The following DPYD variants were observed in gnomAD, a reference collection of about 807,000 sequenced individuals.
DPYD encodes the protein dihydropyrimidine dehydrogenase, also known as dihydropyrimidine dehydrogenase [NADP(+)].
A neutral mutation model predicts 116.2 loss-of-function variants in DPYD; 109 were observed. The observed-to-expected ratio is 0.94, with a 90% CI of 0.80 to 1.10. The LOEUF (loss-of-function observed/expected upper bound fraction) is 1.10. DPYD is among the 50% of genes least tolerant of loss of function. The pLI is 0.00. For missense variants in DPYD, 1,302 were observed against 1,254.5 expected (o/e 1.04, Z -0.57); for synonymous variants, 440 against 432.0 (o/e 1.02, Z -0.23).
At position 97,691,428 on chromosome 1, in the gene DPYD, T is replaced by C. The variant is rs56361274; in HGVS notation, c.762+289A>G. The C allele has an allele frequency of 2.1e-4, 60 of 283,140 alleles. No individual in the cohort carries two copies. In the East Asian group the frequency reaches 4.2e-3, roughly 20 times the overall value. 17.5% of individuals were successfully genotyped at this position (283,140 alleles called of 1,614,324 possible). ...CATGATTAAAGAAACCAAATCCTTC[T>C]ATTAGCTGCACTGAACCCCTAAAGC... On this transcript the variant is annotated intron_variant, in intron 7 of 22. Coordinates refer to ENST00000370192, the MANE Select transcript of DPYD (RefSeq NM_000110.4).
chr1:97,695,114 T>C (rs932459210), intron 6 of DPYD, among the ~76,000 whole-genome samples: 1 of 152,108 alleles, frequency 6.6e-6, no homozygotes, highest in Non-Finnish European at 1.5e-5. Flanking sequence ...TTCCAATATG[T>C]GAAAAGTTGA....
chr1:97,082,203 C>T, intron 22 of DPYD, 127 bp downstream of exon 22: 2 of 1,132,366 alleles, frequency 1.8e-6, no homozygotes, highest in Non-Finnish European at 2.7e-6. Context: ...GAAAGATGTA[C>T]TGTTGCAGAA....
intron 10 of DPYD, among the ~76,000 whole-genome samples, chr1:97,588,997 C>T (rs530153640): frequency 6.6e-6 from 1 of 152,292 alleles, no homozygotes; most frequent in South Asian, 2.1e-4. Flanking sequence ...CACAAGGAAA[C>T]TTGTTAAAAA....
chr1:97,824,897 C>A (rs972479771), intron 3 of DPYD, among the ~76,000 whole-genome samples: 3 of 152,154 alleles, frequency 2.0e-5, no homozygotes, highest in Non-Finnish European at 2.9e-5. Context: ...TATCAAAATA[C>A]TAACAAGTCT....
chr1:97,183,276 C>G (rs1657769756), intron 20 of DPYD, among the ~76,000 whole-genome samples: 1 of 151,936 alleles, frequency 6.6e-6, no homozygotes, highest in Non-Finnish European at 1.5e-5. Context: ...TTTAAAATTA[C>G]TTTTTTGTCC....
chr1:97,634,046 C>T (rs1356323332), intron 8 of DPYD, among the ~76,000 whole-genome samples: 1 of 152,044 alleles, frequency 6.6e-6, no homozygotes, highest in Non-Finnish European at 1.5e-5. Flanking sequence ...AACTGGGCTT[C>T]AGCTCGAAAA....
At chr1:97,173,279 C>CACACATATGTACATATATGTGT (rs548861757) in intron 20 of DPYD, among the ~76,000 whole-genome samples, 1 of 140,892 alleles carries the variant, frequency 7.1e-6, no homozygotes, top group Non-Finnish European at 1.5e-5. Flanking sequence ...CATATATATG[C>CACACATATGTACATATATGTGT]ACACATATAT....
intron 2 of DPYD, among the ~76,000 whole-genome samples, chr1:97,868,293 G>A (rs1441509945): frequency 6.6e-6 from 1 of 151,666 alleles, no homozygotes; most frequent in Non-Finnish European, 1.5e-5. Context: ...GACAAATGGG[G>A]CCACAGTAGG....
At chr1:97,679,338 T>C (rs1208501049) in intron 7 of DPYD, among the ~76,000 whole-genome samples, 156 bp from the exon 8 acceptor site, 1 of 152,126 alleles carries the variant, frequency 6.6e-6, no homozygotes, top group Non-Finnish European at 1.5e-5. Context: ...TAGGTTTACA[T>C]ACACAAAATA....
intron 12 of DPYD, among the ~76,000 whole-genome samples, chr1:97,519,869 T>A (rs1275280188): frequency 6.6e-6 from 1 of 152,178 alleles, no homozygotes; most frequent in Non-Finnish European, 1.5e-5. Flanking sequence ...CTCCATCTGC[T>A]GAAAATTACC....
chr1:97,630,219 G>T (rs992889737), intron 8 of DPYD, among the ~76,000 whole-genome samples: 2 of 151,464 alleles, frequency 1.3e-5, no homozygotes, highest in African/African-American at 4.8e-5. Flanking sequence ...TAATACAAAT[G>T]TATTATTCTT....
In DPYD at chr1:97,152,724, A is replaced by C. The variant is rs191988160; in HGVS notation, c.2622+40345T>G. 4.5e-3 allele frequency among the ~76,000 whole-genome samples: 675 copies of C among 151,426 alleles called. 5 individuals carry two copies. The highest frequency in any genetic ancestry group is 8.2e-3 in the Non-Finnish European group (556 of 67,850). On this transcript the variant is annotated intron_variant, in intron 20 of 22. Transcript: ENST00000370192. ...ATATATATAATTATCATATTTATAC[A>C]ATATTATCATCATCAATGTTTTCAT...
intron 21 of DPYD, among the ~76,000 whole-genome samples, chr1:97,089,017 T>C (rs1030749185): frequency 2.0e-5 from 3 of 152,164 alleles, no homozygotes; most frequent in Admixed American, 2.0e-4. Flanking sequence ...TTTATCTGAG[T>C]ACTCTTCTCT....
At chr1:97,172,517 A>C (rs544808277) in intron 20 of DPYD, among the ~76,000 whole-genome samples, 2 of 152,226 alleles carry the variant, frequency 1.3e-5, no homozygotes, top group Non-Finnish European at 1.5e-5. Flanking sequence ...ATTCACTTAG[A>C]TATCTCTGCC....
At chr1:97,447,425 T>C (rs1031023008) in intron 14 of DPYD, among the ~76,000 whole-genome samples, 11 of 152,170 alleles carry the variant, frequency 7.2e-5, no homozygotes, top group Non-Finnish European at 1.5e-4. Flanking sequence ...AATATCGAGG[T>C]GCACACACAT....
chr1:97,357,292 C>A (rs1174175356), intron 16 of DPYD, among the ~76,000 whole-genome samples: 1 of 151,390 alleles, frequency 6.6e-6, no homozygotes, highest in African/African-American at 2.4e-5. Flanking sequence ...TGTTAATGTA[C>A]AGAAACATCA....
chr1:97,107,829 C>T (rs1372463329), intron 20 of DPYD, among the ~76,000 whole-genome samples: 2 of 152,048 alleles, frequency 1.3e-5, no homozygotes, highest in African/African-American at 4.8e-5. Context: ...GTTTAATATG[C>T]TCTTTATTTA....
chr1:97,870,319 T>G (rs1671593242), intron 2 of DPYD, among the ~76,000 whole-genome samples: 1 of 151,900 alleles, frequency 6.6e-6, no homozygotes. Context: ...AACTTCAAGA[T>G]AGGTAACATT....
intron 15 of DPYD, among the ~76,000 whole-genome samples, chr1:97,375,636 G>A (rs934714916): frequency 1.3e-5 from 2 of 152,088 alleles, no homozygotes; most frequent in East Asian, 1.9e-4. Context: ...CTAATCTTAC[G>A]CCTGTAGCTA....
Sources: gnomAD v4.1 joint callset for allele counts (sites outside exome capture counted in the v4.1 genomes callset) on GRCh38, gnomAD v4.1.1 for gene constraint, MANE v1.5 for transcripts, NCBI Gene and HGNC (gene_info 2026-07-23, HGNC 2026-07-21) for gene names.